Variants in GABRA3 observed in about 807,000 individuals in gnomAD.
The protein encoded by GABRA3 is gamma-aminobutyric acid receptor subunit alpha-3.
Under a neutral mutation model 30.1 loss-of-function variants are expected in GABRA3, and 10 were observed. The ratio of observed to expected loss-of-function variants is 0.33; its 90% CI spans 0.20 to 0.56. The LOEUF (loss-of-function observed/expected upper bound fraction) is 0.56. GABRA3 is among the 20% of genes least tolerant of loss of function. The probability of loss-of-function intolerance (pLI) is 0.89; values close to 1 mark genes in which losing one functional copy is unlikely to be tolerated. For missense variants in GABRA3, 233 were observed against 392.0 expected, an observed-to-expected ratio of 0.59 and a Z score of 3.42; for synonymous variants, 151 against 146.8, an observed-to-expected ratio of 1.03 and a Z score of -0.21.
Position 152,442,455 on chromosome X carries a change from A to G in GABRA3, c.-27+8691T>C, listed in dbSNP as rs753623435. Among the ~76,000 whole-genome samples the G allele has an allele frequency of 1.3e-3, 134 of 106,409 alleles. 1 individual carries two copies. The highest frequency in any genetic ancestry group is 2.1e-3 in the Non-Finnish European group (105 of 49,898). 92.4% of individuals were successfully genotyped at this position (106,409 alleles called of 115,157 possible). On this transcript the variant is annotated intron_variant, in intron 1 of 9. Transcript: ENST00000370314. The stretch of plus-strand genomic sequence containing the variant: ...TAATAATAAATTTCAGCAAAGTGAA[A>G]AAAATAGAAGTTAAAATCATAAATA...
intron 5 of GABRA3, among the ~76,000 whole-genome samples, chrX:152,228,623 G>A (rs972860370): frequency 9.0e-6 from 1 of 111,508 alleles, no homozygotes; most frequent in African/African-American, 3.3e-5. Context: ...CCAACACAAG[G>A]AGCATGTTTT....
intron 4 of GABRA3, among the ~76,000 whole-genome samples, chrX:152,271,743 T>C (rs1339494651): frequency 8.9e-6 from 1 of 111,752 alleles, no homozygotes. Context: ...AAAAATGGTT[T>C]CCTGGACCAG....
chrX:152,246,536 G>A (rs1417865571), intron 5 of GABRA3, among the ~76,000 whole-genome samples: 1 of 111,682 alleles, frequency 9.0e-6, no homozygotes. Flanking sequence ...TTAGCTTTAT[G>A]TGAAACTTCC....
rs772760406 is a variant in GABRA3, at chrX:152,405,237, G to C, written c.-26-40641C>G. ...CCTGTCACAGTGGAACATAATACAA[G>C]GCAGAATTCTGCTGGTGCCACGGTG... On this transcript the variant is annotated intron_variant, in intron 1 of 9. Transcript: ENST00000370314. Among the ~76,000 whole-genome samples the C allele has an allele frequency of 4.0e-5, 4 of 100,961 alleles. No homozygotes were observed. The East Asian group carries it at 9.5e-4, about 24-fold the overall frequency. 87.7% of individuals were successfully genotyped at this position (100,961 alleles called of 115,157 possible).
intron 4 of GABRA3, among the ~76,000 whole-genome samples, chrX:152,261,703 G>T (rs1291968795): frequency 2.7e-5 from 3 of 112,221 alleles, no homozygotes; most frequent in African/African-American, 9.7e-5. Flanking sequence ...CCTCCCAGTT[G>T]TTTTCATGGG....
intron 8 of GABRA3, among the ~76,000 whole-genome samples, chrX:152,192,369 C>G (rs1937334522): frequency 8.9e-6 from 1 of 112,114 alleles, no homozygotes; most frequent in African/African-American, 3.2e-5. Flanking sequence ...TTGAGCACTT[C>G]TAGTGCACTT....
At chrX:152,279,962 G>C (rs190710735) in intron 4 of GABRA3, among the ~76,000 whole-genome samples, 80 of 111,485 alleles carry the variant, frequency 7.2e-4, no homozygotes, top group African/African-American at 2.6e-3. Context: ...CATTGATTTT[G>C]TATCCTGAGA....
rs943967231 is a variant in GABRA3 at position 152,407,158 on chromosome X, G to C, written c.-26-42562C>G. The stretch of plus-strand genomic sequence containing the variant: ...AAAAGCTACAAATAAATAACCTAAG[G>C]CTTCATCTTAAAAACTAGAAAAGGA... On this transcript the variant is annotated intron_variant, in intron 1 of 9. Coordinates refer to ENST00000370314, the MANE Select transcript of GABRA3 (RefSeq NM_000808.4). Among the ~76,000 whole-genome samples, 4 of 110,973 alleles carry C rather than the reference G, an allele frequency of 3.6e-5. No individual in the cohort carries two copies. In the East Asian group the frequency reaches 8.5e-4, roughly 24 times the overall value.
At chrX:152,320,017 A>G (rs955925361) in intron 3 of GABRA3, among the ~76,000 whole-genome samples, 1 of 111,343 alleles carries the variant, frequency 9.0e-6, no homozygotes, top group East Asian at 2.8e-4. Flanking sequence ...TAAAATCCAC[A>G]ATGTGATACC....
intron 3 of GABRA3, among the ~76,000 whole-genome samples, chrX:152,330,936 C>T (rs1053273588): frequency 9.0e-6 from 1 of 111,265 alleles, no homozygotes; most frequent in Non-Finnish European, 1.9e-5. Context: ...AACCCATTTG[C>T]CTTTGTTAAG....
At chrX:152,299,807 A>T (rs1939598045) in intron 3 of GABRA3, among the ~76,000 whole-genome samples, 1 of 112,175 alleles carries the variant, frequency 8.9e-6, no homozygotes, top group Non-Finnish European at 1.9e-5. Context: ...AACATGGAGA[A>T]GCAACCCACA....
chrX:152,354,720 T>C (rs1318536053), intron 2 of GABRA3, among the ~76,000 whole-genome samples: 1 of 111,535 alleles, frequency 9.0e-6, no homozygotes, highest in African/African-American at 3.3e-5. Flanking sequence ...AGCTATGCCC[T>C]GTGGTACTAA....
At chrX:152,413,953 A>T (rs756266845) in intron 1 of GABRA3, among the ~76,000 whole-genome samples, 5 of 111,211 alleles carry the variant, frequency 4.5e-5, no homozygotes, top group African/African-American at 1.3e-4. Flanking sequence ...CACAAGATCA[A>T]TATGCGAAAA....
intron 7 of GABRA3, among the ~76,000 whole-genome samples, chrX:152,199,109 G>A (rs147745973): frequency 0.013 from 1,423 of 111,486 alleles, 21 homozygotes; most frequent in African/African-American, 0.043. Context: ...AAGCCTGCCT[G>A]TAATCCCAGC....
chrX:152,236,894 A>T, intron 5 of GABRA3, among the ~76,000 whole-genome samples: 1 of 103,921 alleles, frequency 9.6e-6, no homozygotes, highest in African/African-American at 3.6e-5. Flanking sequence ...TCTGGATATT[A>T]GCCCTTTGTC....
chrX:152,401,287 T>TACAC (rs747920658), intron 1 of GABRA3, among the ~76,000 whole-genome samples: 4 of 100,227 alleles, frequency 4.0e-5, no homozygotes, highest in African/African-American at 1.1e-4. Context: ...TATATATATA[T>TACAC]ACACACACAC....
chrX:152,190,887 T>TATAA (rs1937316452), intron 8 of GABRA3, among the ~76,000 whole-genome samples: 1 of 108,301 alleles, frequency 9.2e-6, no homozygotes, highest in South Asian at 4.0e-4. Flanking sequence ...TATATATATA[T>TATAA]AATATAAAAT....
intron 3 of GABRA3, among the ~76,000 whole-genome samples, chrX:152,305,142 G>A (rs759293900): frequency 9.0e-6 from 1 of 110,643 alleles, no homozygotes; most frequent in Admixed American, 9.7e-5. Context: ...ATCCATCATA[G>A]ATGAGCACCT....
chrX:152,233,781 G>T (rs1293484979), intron 5 of GABRA3, among the ~76,000 whole-genome samples: 1 of 104,229 alleles, frequency 9.6e-6, no homozygotes, highest in Non-Finnish European at 2.0e-5. Flanking sequence ...CAATAGCAAA[G>T]ACTTGGAACC....
Sources: allele counts gnomAD v4.1 joint callset (sites outside exome capture counted in the v4.1 genomes callset), GRCh38; gene constraint gnomAD v4.1.1; transcripts MANE v1.5; gene names NCBI Gene and HGNC (gene_info 2026-07-23, HGNC 2026-07-21).